Variants in PCDH9 observed in about 807,000 individuals in gnomAD.
PCDH9 encodes the protein protocadherin 9, also known as protocadherin-9.
A neutral mutation model predicts 70.6 loss-of-function variants in PCDH9; 24 were observed. The observed-to-expected ratio is 0.34, with a 90% CI of 0.25 to 0.48. PCDH9 has a LOEUF of 0.48. PCDH9 is among the 20% of genes least tolerant of loss of function. The pLI is 0.99. For synonymous variants in PCDH9, 562 were observed against 558.5 expected, an observed-to-expected ratio of 1.01 and a Z score of -0.09; for missense variants, 1,281 against 1,503.6, an observed-to-expected ratio of 0.85 and a Z score of 2.45.
intron 4 of PCDH9, among the ~76,000 whole-genome samples, chr13:66,433,022 T>C (rs889328556): frequency 2.0e-5 from 3 of 151,998 alleles, no homozygotes; most frequent in African/African-American, 4.8e-5. Flanking sequence ...ATAAATCATA[T>C]AAATGACAGT....
chr13:67,126,851 A>T (rs918733639), intron 2 of PCDH9, among the ~76,000 whole-genome samples: 1 of 152,184 alleles, frequency 6.6e-6, no homozygotes, highest in African/African-American at 2.4e-5. Context: ...TCCATCTCAA[A>T]ATAAAATAAA....
At chr13:66,421,048 G>A (rs1268666418) in intron 4 of PCDH9, among the ~76,000 whole-genome samples, 5 of 151,768 alleles carry the variant, frequency 3.3e-5, no homozygotes, top group Non-Finnish European at 5.9e-5. Flanking sequence ...AGTATCAATG[G>A]CCAAATCTAT....
chr13:66,381,240 A>T (rs1308186722), intron 4 of PCDH9, among the ~76,000 whole-genome samples: 2 of 152,200 alleles, frequency 1.3e-5, no homozygotes, highest in African/African-American at 4.8e-5. Flanking sequence ...CATCTTATAA[A>T]GAGTTTTGAA....
At chr13:66,566,176 T>G (rs1440478408) in intron 4 of PCDH9, among the ~76,000 whole-genome samples, 2 of 152,190 alleles carry the variant, frequency 1.3e-5, no homozygotes, top group Non-Finnish European at 1.5e-5. Context: ...TGACTTGTGA[T>G]GTACTTTTCA....
chr13:66,663,734 A>G lies in PCDH9; in HGVS notation c.3139-32323T>C, dbSNP rs568928205. Among the ~76,000 whole-genome samples the G allele has an allele frequency of 1.1e-4, 17 of 152,312 alleles. No individual in the cohort carries two copies. The South Asian group carries it at 3.5e-3, about 32-fold the overall frequency. ...AATATCCTAAGTCTCTTTCAAATAT[A>G]AGATTCACTCAGATTTACTCTGTAA... On this transcript the variant is annotated intron_variant, in intron 3 of 4. Transcript: ENST00000377865.
chr13:66,993,736 A>T (rs2084049908), intron 2 of PCDH9, among the ~76,000 whole-genome samples: 1 of 152,246 alleles, frequency 6.6e-6, no homozygotes, highest in Non-Finnish European at 1.5e-5. Context: ...ATCATTTTTT[A>T]AAATTACGTA....
At chr13:67,069,990 A>G (rs978337735) in intron 2 of PCDH9, among the ~76,000 whole-genome samples, 1 of 151,748 alleles carries the variant, frequency 6.6e-6, no homozygotes, top group African/African-American at 2.4e-5. Context: ...CATATACAGT[A>G]TTTCAAAATT....
intron 3 of PCDH9, among the ~76,000 whole-genome samples, chr13:66,758,859 A>T (rs1051942726): frequency 6.6e-5 from 10 of 152,040 alleles, no homozygotes; most frequent in African/African-American, 2.4e-5. Context: ...TGTAGGTTAT[A>T]TGTCTTCAAG....
chr13:67,104,892 A>G (rs1298854283), intron 2 of PCDH9, among the ~76,000 whole-genome samples: 1 of 150,954 alleles, frequency 6.6e-6, no homozygotes, highest in Non-Finnish European at 1.5e-5. Context: ...TTTCTATAAG[A>G]GAATCCTTAA....
At chr13:66,711,518 A>G (rs1176275700) in intron 3 of PCDH9, among the ~76,000 whole-genome samples, 2 of 147,124 alleles carry the variant, frequency 1.4e-5, no homozygotes, top group African/African-American at 4.9e-5. Flanking sequence ...CATCGCTATC[A>G]CTAAGTGCCA....
intron 3 of PCDH9, among the ~76,000 whole-genome samples, chr13:66,743,507 A>T (rs60252283): frequency 0.083 from 12,530 of 150,126 alleles, 530 homozygotes; most frequent in East Asian, 0.13. Flanking sequence ...AAAAAAAAAA[A>T]TTTGGAAGAG....
At chr13:66,675,463 G>A (rs1157464610) in intron 3 of PCDH9, among the ~76,000 whole-genome samples, 2 of 152,040 alleles carry the variant, frequency 1.3e-5, no homozygotes, top group African/African-American at 4.8e-5. Flanking sequence ...GCATGTTTCT[G>A]GTTATAGACG....
In PCDH9 at chr13:66,315,849, G is replaced by C. The variant is rs149801899; in HGVS notation, c.3341-10821C>G. Among the ~76,000 whole-genome samples, 201 of 152,174 alleles carry C rather than the reference G, an allele frequency of 1.3e-3. 1 individual carries two copies. Among genetic ancestry groups the C allele is most frequent in the African/African-American group, 4.7e-3 (195 of 41,514 alleles). On this transcript the variant is annotated intron_variant, in intron 4 of 4. Transcript: ENST00000377865. ...TCAACATTCTATTCACTAATCTCTA[G>C]CATATTTACATTTGTTTCCTGTTGC...
intron 3 of PCDH9, among the ~76,000 whole-genome samples, chr13:66,873,419 T>A (rs961100027): frequency 1.3e-5 from 2 of 152,106 alleles, no homozygotes. Context: ...ACAATCCAAT[T>A]TATTTTTAAA....
At position 66,472,780 on chromosome 13, in the gene PCDH9, T is replaced by A. The variant is rs553956227; in HGVS notation, c.3340+158430A>T. ...CAAGCCTGTCTTTATTTTAGAATCT[T>A]CTAAAACTTACAAAGCACAGGAAGA... On this transcript the variant is annotated intron_variant, in intron 4 of 4. Transcript: ENST00000377865. Among the ~76,000 whole-genome samples the A allele has an allele frequency of 2.0e-5, 3 of 152,226 alleles. No homozygotes were observed. In the South Asian group the frequency reaches 6.2e-4, roughly 32 times the overall value.
At chr13:66,744,020 C>A (rs1566164879) in intron 3 of PCDH9, among the ~76,000 whole-genome samples, 1 of 152,040 alleles carries the variant, frequency 6.6e-6, no homozygotes, top group Non-Finnish European at 1.5e-5. Context: ...GCCATACGTG[C>A]ATAAAAAGAT....
chr13:66,416,741 G>C (rs530773697), intron 4 of PCDH9, among the ~76,000 whole-genome samples: 1 of 152,250 alleles, frequency 6.6e-6, no homozygotes, highest in East Asian at 1.9e-4. Flanking sequence ...AATTTTATCT[G>C]TAGCAACAAA....
intron 2 of PCDH9, among the ~76,000 whole-genome samples, chr13:67,128,304 T>A (rs2087027957): frequency 6.6e-6 from 1 of 152,186 alleles, no homozygotes; most frequent in African/African-American, 2.4e-5. Context: ...CCCCCAGACA[T>A]GTCAATCAAA....
chr13:66,842,670 G>C (rs1459624486), intron 3 of PCDH9, among the ~76,000 whole-genome samples: 1 of 152,144 alleles, frequency 6.6e-6, no homozygotes, highest in Non-Finnish European at 1.5e-5. Context: ...GTATACATCA[G>C]TGTTTTTGTA....
Sources: gnomAD v4.1 joint callset for allele counts (sites outside exome capture counted in the v4.1 genomes callset) on GRCh38, gnomAD v4.1.1 for gene constraint, MANE v1.5 for transcripts, NCBI Gene and HGNC (gene_info 2026-07-23, HGNC 2026-07-21) for gene names.